Variants in RPRD2 observed in about 807,000 individuals in gnomAD.
The protein encoded by RPRD2 is regulation of nuclear pre-mRNA domain containing 2, also known as regulation of nuclear pre-mRNA domain-containing protein 2.
A neutral mutation model predicts 104.4 loss-of-function variants in RPRD2; 12 were observed. The observed-to-expected ratio is 0.11, with a 90% CI of 0.07 to 0.19. RPRD2 has a LOEUF of 0.19. RPRD2 is among the 10% of genes least tolerant of loss of function. The pLI is 1.00. For missense variants in RPRD2, 1,543 were observed against 1,790.1 expected, an observed-to-expected ratio of 0.86 and a Z score of 2.49; for synonymous variants, 714 against 684.9, an observed-to-expected ratio of 1.04 and a Z score of -0.66.
At chr1:150,464,500 T>C (rs1454353545) in intron 9 of RPRD2, 27 bp from the exon 10 acceptor site, 3 of 1,559,060 alleles carry the variant, frequency 1.9e-6, no homozygotes, top group African/African-American at 2.7e-5. Context: ...GAATTGCATT[T>C]TCTTGAGTTC....
At position 150,470,699 on chromosome 1, in the gene RPRD2, C is replaced by G. The variant is rs775970052; in HGVS notation, c.1751C>G (p.Pro584Arg). 6.2e-7 allele frequency: 1 copy of G among 1,614,048 alleles called. No individual in the cohort carries two copies. ...KGRNLPSSAQ[P>R]FIPKSFNYSP... ...AGAAATCTGCCCTCCAGTGCCCAAC[C>G]TTTTATTCCCAAAAGCTTCAACTAT... is the stretch of plus-strand genomic sequence containing the variant. The change falls in exon 11 of 11, where the codon CCT (proline) becomes CGT (arginine). Residue 584 changes from proline to arginine, a missense_variant. Around this residue, in one of 4 missense-constraint regions of RPRD2, gnomAD observed 572 missense variants for 787.3 expected, o/e 0.73. Coordinates refer to ENST00000369068, the MANE Select transcript of RPRD2 (RefSeq NM_015203.5).
chr1:150,396,089 A>G (rs1171734856), intron 1 of RPRD2, among the ~76,000 whole-genome samples: 1 of 151,954 alleles, frequency 6.6e-6, no homozygotes, highest in Non-Finnish European at 1.5e-5. Flanking sequence ...TTCCCTGATC[A>G]TTAGGGATGG....
At chr1:150,442,778 A>T (rs1164838613) in intron 4 of RPRD2, among the ~76,000 whole-genome samples, 1 of 152,178 alleles carries the variant, frequency 6.6e-6, no homozygotes, top group Admixed American at 6.6e-5. Flanking sequence ...TTTTGCTATG[A>T]ATTGAGTCAG....
chr1:150,383,788 A>C (rs1041420847), intron 1 of RPRD2, among the ~76,000 whole-genome samples: 3 of 152,204 alleles, frequency 2.0e-5, no homozygotes, highest in Non-Finnish European at 4.4e-5. Flanking sequence ...CCACACATGC[A>C]TGCTATTTTT....
intron 7 of RPRD2, among the ~76,000 whole-genome samples, chr1:150,446,833 C>CTTTTTTTTT (rs782290005): frequency 7.8e-6 from 1 of 127,512 alleles, no homozygotes; most frequent in African/African-American, 3.0e-5. Flanking sequence ...AGACCTGGGT[C>CTTTTTTTTT]TTTTTTTTTT....
rs1182284028 is a variant in RPRD2, at chr1:150,470,741, C to T, written c.1793C>T (p.Thr598Ile). The T allele has an allele frequency of 1.2e-6, 2 of 1,614,074 alleles. No individual in the cohort carries two copies. Among genetic ancestry groups the T allele is most frequent in the African/African-American group, 1.3e-5 (1 of 75,068 alleles). ...TTCAACTATTCTCCTAACTCATCAA[C>T]TTCTGAAGTCTCTTCAACTTCAGCC... ...KSFNYSPNSS[T>I]SEVSSTSASK... Residue 598 changes from threonine to isoleucine, a missense_variant, in exon 11 of 11, where the codon ACT becomes ATT. This residue lies in a region of RPRD2 where 572 missense variants were observed against 787.3 expected (regional missense o/e 0.73). Coordinates refer to ENST00000369068, the MANE Select transcript of RPRD2 (RefSeq NM_015203.5).
rs1176330961 is a variant in RPRD2 at position 150,471,765 on chromosome 1, C to A, written c.2817C>A (p.Thr939=). Residue 939 remains threonine (T), a synonymous_variant, in exon 11 of 11, where the codon ACC becomes ACA. Coordinates refer to ENST00000369068, the MANE Select transcript of RPRD2 (RefSeq NM_015203.5). This position sits in a 1 kb window ranked among gnomAD's most constrained non-coding sequence, Gnocchi z 5.3. ...PSPSKNDSFF[T]PDSNHNSLSQ... is the part of the protein sequence containing the mutation. ...CGAGTAAGAATGATTCATTTTTCACCCCTGACTCCAACCACAATAGCTTGT... is the reference window on the plus strand; with the variant it reads ...CGAGTAAGAATGATTCATTTTTCACACCTGACTCCAACCACAATAGCTTGT... 1 of 1,613,744 alleles carries A rather than the reference C, an allele frequency of 6.2e-7. No homozygotes were observed. The highest frequency in any genetic ancestry group is 8.5e-7 in the Non-Finnish European group (1 of 1,179,870).
At position 150,471,052 on chromosome 1, in the gene RPRD2, G is replaced by A. The variant is rs1668555566; in HGVS notation, c.2104G>A (p.Glu702Lys). The part of the protein sequence containing the change: ...LSSLGSSAPS[E>K]SHPSDFQRGP... Reference sequence around the variant, plus strand: ...CAGTTTGGGGTCCAGCGCCCCATCAGAGAGCCATCCCTCAGACTTCCAGCG... The same window carrying A: ...CAGTTTGGGGTCCAGCGCCCCATCAAAGAGCCATCCCTCAGACTTCCAGCG... The change falls in exon 11 of 11, where the codon GAG becomes AAG. Residue 702 changes from glutamate to lysine, a missense_variant. Physicochemically the swap from Glu to Lys is moderately conservative, Grantham distance 56 (BLOSUM62 1). This residue lies in a region of RPRD2 where 572 missense variants were observed against 787.3 expected (regional missense o/e 0.73). Transcript: ENST00000369068. This position sits in a 1 kb window ranked among gnomAD's most constrained non-coding sequence, Gnocchi z 5.3. 6.2e-7 allele frequency: 1 copy of A among 1,613,862 alleles called. No individual in the cohort carries two copies. The highest frequency in any genetic ancestry group is 1.1e-5 in the South Asian group (1 of 91,084).
At chr1:150,417,937 C>T (rs1260418) in intron 2 of RPRD2, among the ~76,000 whole-genome samples, 132,854 of 150,556 alleles carry the variant, frequency 0.88, 58,923 homozygotes, top group East Asian at 0.99. Flanking sequence ...TTTCTTTCTT[C>T]CTTTCCTTTC....
chr1:150,386,797 A>G (rs1553881902), intron 1 of RPRD2, among the ~76,000 whole-genome samples: 1 of 152,192 alleles, frequency 6.6e-6, no homozygotes, highest in East Asian at 1.9e-4. Flanking sequence ...TTTTGAGTGG[A>G]TACTCACAAT....
chr1:150,425,489 C>A (rs1332547740), intron 2 of RPRD2, among the ~76,000 whole-genome samples: 1 of 151,694 alleles, frequency 6.6e-6, no homozygotes, highest in Non-Finnish European at 1.5e-5. Context: ...ACTAAAAATA[C>A]AAAATTAGCC....
At chr1:150,432,141 T>G (rs1665640439) in intron 2 of RPRD2, among the ~76,000 whole-genome samples, 1 of 150,794 alleles carries the variant, frequency 6.6e-6, no homozygotes, top group Non-Finnish European at 1.5e-5. Context: ...GACATTACAC[T>G]TTCTTCTGGG....
chr1:150,369,603 C>A (rs1439979071), intron 1 of RPRD2, among the ~76,000 whole-genome samples: 18 of 146,954 alleles, frequency 1.2e-4, no homozygotes, highest in African/African-American at 4.5e-4. Flanking sequence ...ACTACAGGCG[C>A]CCGTCACCGC....
At chr1:150,446,079 A>AAAG (rs1666753264) in intron 6 of RPRD2, 147 bp from the exon 7 acceptor site, 4 of 518,480 alleles carry the variant, frequency 7.7e-6, no homozygotes, top group Non-Finnish European at 1.3e-5. Context: ...AAAAAAAAAA[A>AAAG]AAAGAAAGAA....
At chr1:150,370,482 T>C (rs1016180915) in intron 1 of RPRD2, among the ~76,000 whole-genome samples, 13 of 151,956 alleles carry the variant, frequency 8.6e-5, no homozygotes, top group Non-Finnish European at 1.6e-4. Flanking sequence ...AGAGACGAAT[T>C]GGACTAGCCT....
intron 1 of RPRD2, among the ~76,000 whole-genome samples, chr1:150,385,662 C>T (rs934853296): frequency 2.6e-5 from 4 of 152,134 alleles, no homozygotes; most frequent in African/African-American, 9.7e-5. Context: ...TAGAGGTACC[C>T]TTAGTGTTGT....
chr1:150,371,058 A>G (rs1660262987), intron 1 of RPRD2, among the ~76,000 whole-genome samples: 1 of 152,162 alleles, frequency 6.6e-6, no homozygotes, highest in African/African-American at 2.4e-5. Flanking sequence ...ATGTTTTTCA[A>G]AATGAAACAT....
chr1:150,367,753 C>T (rs12753697), intron 1 of RPRD2, among the ~76,000 whole-genome samples: 3 of 150,832 alleles, frequency 2.0e-5, no homozygotes, highest in African/African-American at 4.9e-5. Flanking sequence ...GATGGAGTCT[C>T]GCTCTGTCGT....
intron 6 of RPRD2, among the ~76,000 whole-genome samples, chr1:150,445,326 T>C (rs1251341943): frequency 6.6e-6 from 1 of 152,158 alleles, no homozygotes; most frequent in Non-Finnish European, 1.5e-5. Flanking sequence ...GTTACACAAC[T>C]GATAAGAGGC....
Sources: allele counts gnomAD v4.1 joint callset (sites outside exome capture counted in the v4.1 genomes callset), GRCh38; gene constraint gnomAD v4.1.1; regional missense constraint gnomAD v4.1.1; non-coding constraint Gnocchi (gnomAD v3.1); transcripts MANE v1.5; gene names NCBI Gene and HGNC (gene_info 2026-07-23, HGNC 2026-07-21).